PITPNM1: variants seen among roughly 807,000 people sequenced by gnomAD.
The protein encoded by PITPNM1 is phosphatidylinositol transfer protein membrane associated 1.
PITPNM1 carries 74 observed loss-of-function variants against 133.3 expected under a neutral mutation model. The ratio of observed to expected loss-of-function variants is 0.56; its 90% CI spans 0.46 to 0.67. The LOEUF (loss-of-function observed/expected upper bound fraction) is 0.67, where lower values mean the gene tolerates loss of function less well. Among genes scored for constraint, PITPNM1 ranks in the 30% least tolerant of loss-of-function variants. The probability of loss-of-function intolerance (pLI) is 0.00; values close to 1 mark genes in which losing one functional copy is unlikely to be tolerated. For synonymous variants in PITPNM1, 738 were observed against 741.4 expected, an observed-to-expected ratio of 1.00 and a Z score of 0.08; for missense variants, 1,398 against 1,739.5, an observed-to-expected ratio of 0.80 and a Z score of 3.49.
At chr11:67,497,207 GC>G (rs1283717774) in intron 14 of PITPNM1, 23 bp downstream of exon 14, 24 of 1,554,368 alleles carry the variant, frequency 1.5e-5, no homozygotes, top group Non-Finnish European at 2.0e-5. Context: ...GACTAGAGGC[GC>G]CCCCGCAGCC....
Position 67,504,252 on chromosome 11 carries a change from C to G in PITPNM1, c.-41-31G>C. On this transcript the variant is annotated intron_variant, in intron 1 of 23. Coordinates refer to ENST00000356404, the MANE Select transcript of PITPNM1 (RefSeq NM_004910.3). The surrounding 1 kb of genome is among the most constrained non-coding windows in gnomAD (Gnocchi z 5.4). ...GCAGGGCACGGCGCGACAGTCAGTG[C>G]GGGGAGGCTGCGCGCGGCCCCGAGC... 9.9e-7 allele frequency: 1 copy of G among 1,006,686 alleles called. No homozygotes were observed. Among genetic ancestry groups the G allele is most frequent in the Non-Finnish European group, 1.3e-6 (1 of 755,450 alleles). The allele number at this position is 1,006,686 out of a possible 1,614,324, so 62.4% of individuals were successfully genotyped here. A position where few individuals can be genotyped will look rare whatever the true frequency, so the allele number is the denominator to read the frequency against.
chr11:67,499,849 GTGTC>G lies in PITPNM1; in HGVS notation c.1064-23_1064-20del, dbSNP rs753177504. 1 of 1,585,940 alleles carries G rather than the reference GTGTC, an allele frequency of 6.3e-7. No homozygotes were observed. Among genetic ancestry groups the G allele is most frequent in the South Asian group, 1.1e-5 (1 of 90,178 alleles). Reference sequence around the variant, plus strand: ...AAGCCTTCTGAGGGGACAGGGGGCTGTGTCATGGGGTGGGAGGAGCTGCTCGGGG... The same window carrying G: ...AAGCCTTCTGAGGGGACAGGGGGCTGATGGGGTGGGAGGAGCTGCTCGGGG... On this transcript the variant is annotated intron_variant, in intron 7 of 23. Transcript: ENST00000356404.
At position 67,504,571 on chromosome 11, in the gene PITPNM1, G is replaced by T. The variant is rs112424672; in HGVS notation, c.-41-350C>A. ...ACCCCGGGAAACGGCATCCCTCTGGGCGCGCCCCCGAAGCCCCGGGGCCCC... is the reference window on the plus strand; with the variant it reads ...ACCCCGGGAAACGGCATCCCTCTGGTCGCGCCCCCGAAGCCCCGGGGCCCC... On this transcript the variant is annotated intron_variant, in intron 1 of 23. Transcript: ENST00000356404. The surrounding 1 kb of genome is among the most constrained non-coding windows in gnomAD (Gnocchi z 5.4). 1 of 152,012 alleles carries T rather than the reference G, an allele frequency of 6.6e-6. No individual in the cohort carries two copies. The highest frequency in any genetic ancestry group is 2.4e-5 in the African/African-American group (1 of 41,396). The allele number at this position is 152,012 out of a possible 1,614,324, so 9.4% of individuals were successfully genotyped here.
rs1351112682 is a variant in PITPNM1, at chr11:67,497,954, C to G, written c.1745G>C (p.Gly582Ala). The G allele has an allele frequency of 6.2e-7, 1 of 1,611,160 alleles. No individual in the cohort carries two copies. Among genetic ancestry groups the G allele is most frequent in the Non-Finnish European group, 8.5e-7 (1 of 1,179,972 alleles). The change falls in exon 12 of 24, where the codon GGC (glycine) becomes GCC (alanine). Residue 582 changes from glycine (G) to alanine (A), a missense_variant. By Grantham distance (60) the Gly-to-Ala change is moderately conservative (BLOSUM62 0). Around this residue, in one of 5 missense-constraint regions of PITPNM1, gnomAD observed 574 missense variants for 698.7 expected, o/e 0.82. Transcript: ENST00000356404. ...GCGGCTGCTGCCCCGACTCCCGGTGCCCGCGTTAGCACTGTGGCAGAGTGC... is the reference window on the plus strand; with the variant it reads ...GCGGCTGCTGCCCCGACTCCCGGTGGCCGCGTTAGCACTGTGGCAGAGTGC... ...FDALCHSANAGTGSRGSSRRG... is the reference protein window; with the variant it reads ...FDALCHSANAATGSRGSSRRG...
At chr11:67,496,049 C>T (rs141242929) in intron 15 of PITPNM1, 129 bp downstream of exon 15, 49 of 890,970 alleles carry the variant, frequency 5.5e-5, no homozygotes, top group South Asian at 9.3e-5. Flanking sequence ...GGGGAAGGAG[C>T]GCCTGGTCCT....
intron 22 of PITPNM1, 43 bp downstream of exon 22, chr11:67,493,367 C>T: frequency 1.4e-6 from 2 of 1,480,710 alleles, no homozygotes; most frequent in Non-Finnish European, 1.8e-6. Context: ...TAAGGGGGAG[C>T]GGGGGCGGGG....
upstream of PITPNM1, among the ~76,000 whole-genome samples, chr11:67,505,960 C>G (rs925829250): frequency 2.0e-5 from 3 of 152,226 alleles, no homozygotes; most frequent in Non-Finnish European, 2.9e-5. This position sits in a 1 kb window ranked among gnomAD's most constrained non-coding sequence, Gnocchi z 5.8. Context: ...AAAGGCCTCA[C>G]GAGGCACCCC....
Position 67,502,291 on chromosome 11 carries a change from C to A in PITPNM1, c.415+1G>T, listed in dbSNP as rs1483028802. ...GGTCCCCCCATAGCTCCAGGCCTCA[C>A]CCAGGATGCGCTGTCTCCTCTCGGC... On this transcript the variant is annotated splice_donor_variant, in intron 4 of 23. Coordinates refer to ENST00000356404, the MANE Select transcript of PITPNM1 (RefSeq NM_004910.3). LOFTEE classifies it high-confidence loss of function. The surrounding 1 kb of genome is among the most constrained non-coding windows in gnomAD (Gnocchi z 5.9). 1 of 1,612,768 alleles carries A rather than the reference C, an allele frequency of 6.2e-7. No individual in the cohort carries two copies. Among genetic ancestry groups the A allele is most frequent in the East Asian group, 2.2e-5 (1 of 44,882 alleles).
chr11:67,504,229 A>G lies in PITPNM1; in HGVS notation c.-41-8T>C, dbSNP rs369946029. On this transcript the variant is annotated splice_polypyrimidine_tract_variant and splice_region_variant and intron_variant, in intron 1 of 23. Coordinates refer to ENST00000356404, the MANE Select transcript of PITPNM1 (RefSeq NM_004910.3). This position sits in a 1 kb window ranked among gnomAD's most constrained non-coding sequence, Gnocchi z 5.4. ...GCGCGGCCTCCGCTCCTCCTGGCGC[A>G]GGGCACGGCGCGACAGTCAGTGCGG... 1.6e-4 allele frequency: 231 copies of G among 1,419,098 alleles called. No homozygotes were observed. The African/African-American group carries it at 3.0e-3, about 19-fold the overall frequency. The allele number at this position is 1,419,098 out of a possible 1,614,324, so 87.9% of individuals were successfully genotyped here.
At position 67,494,940 on chromosome 11, in the gene PITPNM1, C is replaced by CGCTCCT; in HGVS notation, c.2642_2647dup (p.Glu882_Arg883insGlnGlu). The CGCTCCT allele has an allele frequency of 1.2e-6, 2 of 1,612,648 alleles. No homozygotes were observed. Among genetic ancestry groups the CGCTCCT allele is most frequent in the Non-Finnish European group, 1.7e-6 (2 of 1,179,766 alleles). On this transcript the variant is annotated inframe_insertion, in exon 18 of 24. Coordinates refer to ENST00000356404, the MANE Select transcript of PITPNM1 (RefSeq NM_004910.3). Reference sequence around the variant, plus strand: ...CTCCTCGCATTCCGCCAGCTGTGGCCGCTCCTTCTCGATCACCTGCACGGG... The same window carrying CGCTCCT: ...CTCCTCGCATTCCGCCAGCTGTGGCCGCTCCTGCTCCTTCTCGATCACCTGCACGGG...
At chr11:67,503,468 G>A (rs1866397541) in intron 2 of PITPNM1, among the ~76,000 whole-genome samples, 1 of 152,280 alleles carries the variant, frequency 6.6e-6, no homozygotes, top group South Asian at 2.1e-4. Flanking sequence ...CTCAGAGCTT[G>A]AGAGCCCCCA....
rs1280009356 is a variant in PITPNM1 at position 67,497,566 on chromosome 11, G to A, written c.1896C>T (p.Ile632=). The change falls in exon 13 of 24, where the codon ATC becomes ATT. Residue 632 remains isoleucine (I), a synonymous_variant. Transcript: ENST00000356404. ...PEPSALPPQR[I]PSDMASPEPE... The stretch of plus-strand genomic sequence containing the variant: ...GCTCAGGACTGGCCATGTCGCTGGG[G>A]ATGCGCTGGGGAGGCAAGGCCGAGG... The A allele has an allele frequency of 6.2e-7, 1 of 1,609,074 alleles. No individual in the cohort carries two copies. Among genetic ancestry groups the A allele is most frequent in the Non-Finnish European group, 8.5e-7 (1 of 1,178,814 alleles).
At chr11:67,496,946 A>T in intron 14 of PITPNM1, 1 of 277,220 alleles carries the variant, frequency 3.6e-6, no homozygotes, top group Non-Finnish European at 6.7e-6. Flanking sequence ...AAAAAAAAAA[A>T]GGCTGAGAAG....
At position 67,497,660 on chromosome 11, in the gene PITPNM1, G is replaced by A. The variant is rs776940244; in HGVS notation, c.1802C>T (p.Pro601Leu). 33 of 1,611,056 alleles carry A rather than the reference G, an allele frequency of 2.0e-5. 1 individual carries two copies. The highest frequency in any genetic ancestry group is 1.7e-4 in the Middle Eastern group (1 of 6,050). Residue 601 changes from proline to leucine, a missense_variant, in exon 13 of 24, where the codon CCG becomes CTG. By Grantham distance (98) the Pro-to-Leu change is moderately conservative (BLOSUM62 -3). Around this residue, in one of 5 missense-constraint regions of PITPNM1, gnomAD observed 574 missense variants for 698.7 expected, o/e 0.82. Coordinates refer to ENST00000356404, the MANE Select transcript of PITPNM1 (RefSeq NM_004910.3). Reference sequence around the variant, plus strand: ...GGGGTCCCGCACTGGGCCAAACTCCGGAGAGAGCAGCTCATTGTTCTGGAT... The same window carrying A: ...GGGGTCCCGCACTGGGCCAAACTCCAGAGAGAGCAGCTCATTGTTCTGGAT... ...RGSMNNELLS[P>L]EFGPVRDPLA...
At position 67,495,608 on chromosome 11, in the gene PITPNM1, G is replaced by T; in HGVS notation, c.2318-6C>A. Reference sequence around the variant, plus strand: ...GTGCGTCTGCAGAGTGTCGGCTGGGGGAAGGAGGGCAAGGTCAGCAGGGGC... The same window carrying T: ...GTGCGTCTGCAGAGTGTCGGCTGGGTGAAGGAGGGCAAGGTCAGCAGGGGC... On this transcript the variant is annotated splice_region_variant and splice_polypyrimidine_tract_variant and intron_variant, in intron 15 of 23. Transcript: ENST00000356404. The T allele has an allele frequency of 1.3e-6, 2 of 1,561,976 alleles. No homozygotes were observed. Among genetic ancestry groups the T allele is most frequent in the Non-Finnish European group, 1.7e-6 (2 of 1,160,270 alleles).
rs1408286412 is a variant in PITPNM1, at chr11:67,494,779, C to A, written c.2742+67G>T. 45 of 982,650 alleles carry A rather than the reference C, an allele frequency of 4.6e-5. No individual in the cohort carries two copies. The South Asian group carries it at 5.6e-4, about 12-fold the overall frequency. 60.9% of individuals were successfully genotyped at this position (982,650 alleles called of 1,614,324 possible). On this transcript the variant is annotated intron_variant, in intron 18 of 23. Coordinates refer to ENST00000356404, the MANE Select transcript of PITPNM1 (RefSeq NM_004910.3). ...AGGAGGGGGGTGCTGGGGGGAGGGG[C>A]GGGGCCTCTCTGGTGAGTGGGCGAG... is the stretch of plus-strand genomic sequence containing the variant.
At chr11:67,495,260 CT>C (rs1416481171) in intron 16 of PITPNM1, 35 bp from the exon 17 acceptor site, 6 of 1,548,880 alleles carry the variant, frequency 3.9e-6, no homozygotes, top group African/African-American at 1.4e-5. Flanking sequence ...GGATGGCCTC[CT>C]GCCCCACACC....
rs1363888752 is a variant in PITPNM1, at chr11:67,493,448, G to A, written c.3304C>T (p.Arg1102Cys). ...CTCTGCAGAAACATTGCCTTCTGGC[G>A]TAGTGGGTCGTGGGTGAGGCCGTCG... ...FCDGLTHDPL[R>C]QKAMFLQSLV... The change falls in exon 22 of 24, where the codon CGC becomes TGC. Residue 1102 changes from arginine (R) to cysteine (C), a missense_variant. Physicochemically the swap from Arg to Cys is radical, Grantham distance 180. Coordinates refer to ENST00000356404, the MANE Select transcript of PITPNM1 (RefSeq NM_004910.3). 4 of 1,603,722 alleles carry A rather than the reference G, an allele frequency of 2.5e-6. No homozygotes were observed. Among genetic ancestry groups the A allele is most frequent in the Non-Finnish European group, 1.7e-6 (2 of 1,174,760 alleles).
intron 22 of PITPNM1, 106 bp from the exon 23 acceptor site, chr11:67,493,168 CG>C: frequency 2.9e-6 from 4 of 1,399,234 alleles, no homozygotes; most frequent in Non-Finnish European, 4.0e-6. Flanking sequence ...TCCAGGCAGA[CG>C]GAGGCGAAGA....
Sources: gnomAD v4.1 joint callset for allele counts (sites outside exome capture counted in the v4.1 genomes callset) on GRCh38, gnomAD v4.1.1 for gene constraint, gnomAD v4.1.1 regional missense constraint, Gnocchi (gnomAD v3.1) non-coding constraint, MANE v1.5 for transcripts, NCBI Gene and HGNC (gene_info 2026-07-23, HGNC 2026-07-21) for gene names.